The following INPP5B variants were observed in gnomAD, a reference collection of about 807,000 sequenced individuals.
INPP5B encodes inositol polyphosphate-5-phosphatase B.
In INPP5B, 90 loss-of-function variants were observed where a neutral mutation model predicts 118.5. The observed-to-expected ratio is 0.76, with a 90% CI of 0.64 to 0.90. The LOEUF is 0.90. INPP5B is among the 40% of genes least tolerant of loss of function. INPP5B has a pLI of 0.00. For synonymous variants in INPP5B, 385 were observed against 418.9 expected (o/e 0.92, Z 0.99); for missense variants, 984 against 1,125.6 (o/e 0.87, Z 1.80).
At position 37,860,979 on chromosome 1, in the gene INPP5B, C is replaced by T. The variant is rs1470494424; in HGVS notation, c.*1336G>A. 1 of 152,252 alleles carries T rather than the reference C, an allele frequency of 6.6e-6. No individual in the cohort carries two copies. Among genetic ancestry groups the T allele is most frequent in the African/African-American group, 2.4e-5 (1 of 41,432 alleles). 9.4% of individuals were successfully genotyped at this position (152,252 alleles called of 1,614,324 possible). A position where few individuals can be genotyped will look rare whatever the true frequency, so the allele number is the denominator to read the frequency against. On this transcript the variant is annotated 3_prime_UTR_variant, in exon 24 of 24. Transcript: ENST00000373024. The stretch of plus-strand genomic sequence containing the variant: ...AACTGGGACCACAGGCATGCATCAC[C>T]ACACCCAGCTAATTTTTTAAAAATG...
chr1:37,913,895 T>C (rs1557689269), intron 7 of INPP5B, among the ~76,000 whole-genome samples: 1 of 152,344 alleles, frequency 6.6e-6, no homozygotes, highest in Admixed American at 6.5e-5. Flanking sequence ...GAAAATAGCC[T>C]TAACTGATGA....
intron 7 of INPP5B, among the ~76,000 whole-genome samples, chr1:37,900,754 G>A (rs1644302287): frequency 6.7e-6 from 1 of 150,038 alleles, no homozygotes; most frequent in Non-Finnish European, 1.5e-5. Flanking sequence ...TCAGCCTCCC[G>A]TGTAGCTGGG....
intron 2 of INPP5B, 67 bp downstream of exon 2, chr1:37,946,185 G>C: frequency 6.9e-7 from 1 of 1,458,700 alleles, no homozygotes; most frequent in Non-Finnish European, 9.5e-7. Context: ...TAGACACCTC[G>C]ACACCTTCCA....
rs1274844610 is a variant in INPP5B, at chr1:37,895,906, T to C, written c.533-4452A>G. ...AGCCTGCCTTGGCCTCCCAAAGTGCTGAGATTGCAGCCTCTGCCCGGCCAC... is the reference window on the plus strand; with the variant it reads ...AGCCTGCCTTGGCCTCCCAAAGTGCCGAGATTGCAGCCTCTGCCCGGCCAC... On this transcript the variant is annotated intron_variant, in intron 7 of 23. Transcript: ENST00000373024. Among the ~76,000 whole-genome samples, 445 of 152,156 alleles carry C rather than the reference T, an allele frequency of 2.9e-3. 2 individuals carry two copies. The highest frequency in any genetic ancestry group is 5.6e-3 in the Non-Finnish European group (383 of 67,946).
chr1:37,873,451 T>A (rs1484803129), intron 18 of INPP5B: 2 of 417,410 alleles, frequency 4.8e-6, no homozygotes, highest in Non-Finnish European at 8.8e-6. Context: ...ACTAACAGAA[T>A]AAGAAGGCAT....
chr1:37,943,283 C>A (rs1646001375), intron 5 of INPP5B, among the ~76,000 whole-genome samples: 1 of 152,022 alleles, frequency 6.6e-6, no homozygotes, highest in Non-Finnish European at 1.5e-5. Flanking sequence ...GAGCCACTGC[C>A]CTGGCCTAAT....
At chr1:37,873,867 CT>C in intron 18 of INPP5B, 125 bp downstream of exon 18, 2 of 610,832 alleles carry the variant, frequency 3.3e-6, no homozygotes, top group Non-Finnish European at 5.1e-6. Flanking sequence ...ATCTATAGGG[CT>C]TTTTAAAAAG....
intron 7 of INPP5B, among the ~76,000 whole-genome samples, chr1:37,922,971 C>T (rs1645107491): frequency 6.6e-6 from 1 of 152,172 alleles, no homozygotes; most frequent in Admixed American, 6.5e-5. Flanking sequence ...AGTGGGCCTT[C>T]TGTGAACTGT....
At chr1:37,878,878 G>A (rs1018182759) in intron 15 of INPP5B, among the ~76,000 whole-genome samples, 3 of 151,224 alleles carry the variant, frequency 2.0e-5, no homozygotes, top group Admixed American at 6.6e-5. Flanking sequence ...TTGAACTCCT[G>A]AGCTCAGGCA....
At chr1:37,926,454 T>G (rs1171016787) in intron 7 of INPP5B, among the ~76,000 whole-genome samples, 1 of 152,100 alleles carries the variant, frequency 6.6e-6, no homozygotes, top group Non-Finnish European at 1.5e-5. Context: ...CAGCTAATTT[T>G]TTATATTTTA....
intron 7 of INPP5B, among the ~76,000 whole-genome samples, 184 bp from the exon 8 acceptor site, chr1:37,891,638 G>C (rs1238844069): frequency 6.6e-6 from 1 of 152,034 alleles, no homozygotes; most frequent in African/African-American, 2.4e-5. Context: ...GCCAGGCATG[G>C]TGGTGCATGC....
intron 2 of INPP5B, 42 bp downstream of exon 2, chr1:37,946,210 G>A (rs1396704970): frequency 3.8e-6 from 6 of 1,579,636 alleles, no homozygotes; most frequent in Non-Finnish European, 5.2e-6. Flanking sequence ...TCTTCCCAAG[G>A]CCAGGGCAGG....
At chr1:37,863,367 T>C (rs1288467317) in intron 23 of INPP5B, among the ~76,000 whole-genome samples, 1 of 151,700 alleles carries the variant, frequency 6.6e-6, no homozygotes, top group Non-Finnish European at 1.5e-5. Context: ...ATACAAAAAT[T>C]AGCTGGGCAT....
intron 7 of INPP5B, among the ~76,000 whole-genome samples, chr1:37,925,286 T>C (rs1191961938): frequency 1.3e-5 from 2 of 152,134 alleles, no homozygotes; most frequent in Non-Finnish European, 2.9e-5. Context: ...CCTCTTGACA[T>C]CCACTTTGTT....
chr1:37,890,110 C>T (rs550513534), intron 8 of INPP5B, among the ~76,000 whole-genome samples: 3 of 152,314 alleles, frequency 2.0e-5, no homozygotes, highest in South Asian at 4.1e-4. Flanking sequence ...CATGGTGACT[C>T]ATGCCTGTAA....
At chr1:37,874,687 C>T (rs1378775192) in intron 17 of INPP5B, among the ~76,000 whole-genome samples, 1 of 152,198 alleles carries the variant, frequency 6.6e-6, no homozygotes, top group Non-Finnish European at 1.5e-5. Flanking sequence ...ATCCCAGCTA[C>T]TGGGAGGCGG....
intron 21 of INPP5B, 42 bp from the exon 22 acceptor site, chr1:37,865,930 A>C: frequency 1.2e-6 from 2 of 1,604,218 alleles, no homozygotes; most frequent in Non-Finnish European, 1.7e-6. Flanking sequence ...GCTGCTGTCC[A>C]TGGTTAGGAA....
chr1:37,940,445 C>T (rs1645869302), intron 6 of INPP5B, among the ~76,000 whole-genome samples: 1 of 152,198 alleles, frequency 6.6e-6, no homozygotes, highest in East Asian at 1.9e-4. Flanking sequence ...CTGTGCAACC[C>T]TGCCCAGAGC....
chr1:37,862,289 C>T lies in INPP5B; in HGVS notation c.*26G>A. ...AGGTGGGGCTGGTAATTGGCAGCCTCAAGTAAAATAGGAGGAGAGAGAGGC... is the reference window on the plus strand; with the variant it reads ...AGGTGGGGCTGGTAATTGGCAGCCTTAAGTAAAATAGGAGGAGAGAGAGGC... On this transcript the variant is annotated 3_prime_UTR_variant, in exon 24 of 24. Coordinates refer to ENST00000373024, the MANE Select transcript of INPP5B (RefSeq NM_005540.3). 2.0e-6 allele frequency: 3 copies of T among 1,498,922 alleles called. No homozygotes were observed. Among genetic ancestry groups the T allele is most frequent in the Non-Finnish European group, 2.8e-6 (3 of 1,075,766 alleles). 92.9% of individuals were successfully genotyped at this position (1,498,922 alleles called of 1,614,324 possible).
Sources: allele counts gnomAD v4.1 joint callset (sites outside exome capture counted in the v4.1 genomes callset), GRCh38; gene constraint gnomAD v4.1.1; transcripts MANE v1.5; gene names NCBI Gene and HGNC (gene_info 2026-07-23, HGNC 2026-07-21).